SOX30: variants seen among roughly 807,000 people sequenced by gnomAD.
SOX30 encodes SRY-box transcription factor 30, also known as transcription factor SOX-30.
SOX30 carries 17 observed loss-of-function variants against 58.6 expected under a neutral mutation model. The observed-to-expected ratio is 0.29, with a 90% CI of 0.20 to 0.44. SOX30 has a LOEUF of 0.44. Among genes scored for constraint, SOX30 ranks in the 20% least tolerant of loss-of-function variants. The pLI is 1.00. For missense variants in SOX30, 951 were observed against 965.8 expected (o/e 0.98, Z 0.20); for synonymous variants, 421 against 400.2 (o/e 1.05, Z -0.62).
At chr5:157,665,727 T>C (rs1226031463) in intron 2 of SOX30, among the ~76,000 whole-genome samples, 1 of 149,028 alleles carries the variant, frequency 6.7e-6, no homozygotes, top group Non-Finnish European at 1.5e-5. Flanking sequence ...AAAATAAAAC[T>C]ATATGGAGCC....
In SOX30 at chr5:157,651,498, T is replaced by C. The variant is rs1044989231; in HGVS notation, c.581A>G (p.Asp194Gly). The change falls in exon 1 of 5, where the codon GAC (aspartate) becomes GGC (glycine). Residue 194 changes from aspartate (D) to glycine (G), a missense_variant. Asp to Gly is a moderately conservative substitution (Grantham distance 94). Coordinates refer to ENST00000265007, the MANE Select transcript of SOX30 (RefSeq NM_178424.2). ...GKLEAEEVMR[D>G]SMQGGAGKSP... is the part of the protein sequence containing the mutation. ...TTTGCCTGCCCCGCCTTGCATCGAG[T>C]CTCTCATGACCTCCTCCGCCTCCAG... is the stretch of plus-strand genomic sequence containing the variant. 2 of 1,613,200 alleles carry C rather than the reference T, an allele frequency of 1.2e-6. No homozygotes were observed. Among genetic ancestry groups the C allele is most frequent in the South Asian group, 1.1e-5 (1 of 91,064 alleles).
At position 157,651,914 on chromosome 5, in the gene SOX30, G is replaced by C; in HGVS notation, c.165C>G (p.Cys55Trp). 6.6e-7 allele frequency: 1 copy of C among 1,515,668 alleles called. No homozygotes were observed. The highest frequency in any genetic ancestry group is 8.8e-7 in the Non-Finnish European group (1 of 1,136,552). The allele number at this position is 1,515,668 out of a possible 1,614,324, so 93.9% of individuals were successfully genotyped here. Residue 55 changes from cysteine to tryptophan, a missense_variant, in exon 1 of 5, where the codon TGC becomes TGG. Coordinates refer to ENST00000265007, the MANE Select transcript of SOX30 (RefSeq NM_178424.2). Reference protein sequence around the residue: ...AAASATLASSCGEAVASGLQP... With the variant: ...AAASATLASSWGEAVASGLQP... ...GTAAGCCGGACGCCACTGCCTCCCC[G>C]CACGACGAGGCCAAGGTCGCACTGG... is the stretch of plus-strand genomic sequence containing the variant.
chr5:157,660,148 C>CT (rs1301439400), intron 2 of SOX30, among the ~76,000 whole-genome samples: 1 of 152,204 alleles, frequency 6.6e-6, no homozygotes, highest in Non-Finnish European at 1.5e-5. Flanking sequence ...TAGCCTGGTG[C>CT]AGTTGTTCAT....
chr5:157,652,311 A>C lies in SOX30; in HGVS notation c.-233T>G. 8.1e-7 allele frequency: 1 copy of C among 1,228,428 alleles called. No homozygotes were observed. Among genetic ancestry groups the C allele is most frequent in the Non-Finnish European group, 1.0e-6 (1 of 986,794 alleles). 76.1% of individuals were successfully genotyped at this position (1,228,428 alleles called of 1,614,324 possible). A position where few individuals can be genotyped will look rare whatever the true frequency, so the allele number is the denominator to read the frequency against. Reference sequence around the variant, plus strand: ...TGGTCCCTACTCTCGCCTCGTGCTGAGTCCTCGAATCACCTGCCATGGTAG... The same window carrying C: ...TGGTCCCTACTCTCGCCTCGTGCTGCGTCCTCGAATCACCTGCCATGGTAG... On this transcript the variant is annotated 5_prime_UTR_variant, in exon 1 of 5. Coordinates refer to ENST00000265007, the MANE Select transcript of SOX30 (RefSeq NM_178424.2).
At position 157,648,838 on chromosome 5, in the gene SOX30, G is replaced by A. The variant is rs56278697; in HGVS notation, c.1026C>T (p.Asn342=). The A allele has an allele frequency of 4.0e-3, 6,386 of 1,611,806 alleles. 57 individuals are homozygous for A. The highest frequency in any genetic ancestry group is 0.021 in the Middle Eastern group (129 of 6,060). The change falls in exon 2 of 5, where the codon AAC becomes AAT. Residue 342 remains asparagine, a synonymous_variant. Coordinates refer to ENST00000265007, the MANE Select transcript of SOX30 (RefSeq NM_178424.2). ...GGATCCTTGCCCAAACCATAAATGC[G>A]TTCATGGGTCGCTTCACATGACCAT... The part of the protein sequence containing the change: ...DRNGHVKRPM[N]AFMVWARIHR...
In SOX30 at chr5:157,626,467, G is replaced by T; in HGVS notation, c.2135C>A (p.Pro712His). The change falls in exon 5 of 5, where the codon CCT becomes CAT. Residue 712 changes from proline (P) to histidine (H), a missense_variant. Transcript: ENST00000265007. Reference sequence around the variant, plus strand: ...CTCCAAGGTTCCAATGTCCAGCTGAGGCACAGGGTTTAAGTTTTCTTCCCC... The same window carrying T: ...CTCCAAGGTTCCAATGTCCAGCTGATGCACAGGGTTTAAGTTTTCTTCCCC... ...HSGEENLNPV[P>H]QLDIGTLENV... 1 of 1,614,182 alleles carries T rather than the reference G, an allele frequency of 6.2e-7. No homozygotes were observed. Among genetic ancestry groups the T allele is most frequent in the Non-Finnish European group, 8.5e-7 (1 of 1,180,048 alleles).
chr5:157,659,396 A>G (rs1354615180), intron 2 of SOX30, among the ~76,000 whole-genome samples: 1 of 152,144 alleles, frequency 6.6e-6, no homozygotes, highest in Non-Finnish European at 1.5e-5. Context: ...TACTGTGGAA[A>G]CCCCCAACTC....
upstream of SOX30, chr5:157,652,543 T>A: frequency 4.8e-6 from 1 of 207,092 alleles, no homozygotes; most frequent in Non-Finnish European, 8.5e-6. Context: ...CTGTGCGGCC[T>A]GAGTAATCTG....
intron 4 of SOX30, among the ~76,000 whole-genome samples, chr5:157,635,064 A>G (rs542115505): frequency 3.3e-5 from 5 of 152,230 alleles, no homozygotes; most frequent in South Asian, 2.1e-4. Flanking sequence ...ACAGTCATAA[A>G]TAGATTATTT....
At chr5:157,665,148 C>T (rs62387677) in intron 2 of SOX30, among the ~76,000 whole-genome samples, 25,939 of 152,128 alleles carry the variant, frequency 0.17, 2,525 homozygotes, top group African/African-American at 0.27. Context: ...CACATGCACA[C>T]GTATGTTTAT....
At chr5:157,667,190 C>T (rs1316589163) in intron 2 of SOX30, among the ~76,000 whole-genome samples, 1 of 152,176 alleles carries the variant, frequency 6.6e-6, no homozygotes, top group African/African-American at 2.4e-5. Flanking sequence ...GGAGTCCTGA[C>T]TGCTGCCCCA....
intron 1 of SOX30, among the ~76,000 whole-genome samples, chr5:157,669,603 G>A (rs1296849852): frequency 6.6e-6 from 1 of 151,520 alleles, no homozygotes; most frequent in Non-Finnish European, 1.5e-5. Context: ...TGCAACCTCC[G>A]CCTCCCGGGT....
rs1344050897 is a variant in SOX30, at chr5:157,651,813, T to C, written c.266A>G (p.Glu89Gly). 1 of 1,585,080 alleles carries C rather than the reference T, an allele frequency of 6.3e-7. No homozygotes were observed. Among genetic ancestry groups the C allele is most frequent in the Non-Finnish European group, 8.5e-7 (1 of 1,169,632 alleles). The change falls in exon 1 of 5, where the codon GAG (glutamate) becomes GGG (glycine). Residue 89 changes from glutamate (E) to glycine (G), a missense_variant. Glu to Gly is a moderately conservative substitution (Grantham distance 98). Coordinates refer to ENST00000265007, the MANE Select transcript of SOX30 (RefSeq NM_178424.2). ...CTGCGCGGACGAGGCAGCGGCTTCC[T>C]CGTTCTGGGCCTGAGGCTGTGGTAG... ...LLLPQPQAQN[E>G]EAAASSAQAR...
At position 157,626,033 on chromosome 5, in the gene SOX30, C is replaced by A. The variant is rs1251779288; in HGVS notation, c.*307G>T. 1 of 214,472 alleles carries A rather than the reference C, an allele frequency of 4.7e-6. No individual in the cohort carries two copies. The highest frequency in any genetic ancestry group is 5.6e-5 in the Admixed American group (1 of 18,012). 13.3% of individuals were successfully genotyped at this position (214,472 alleles called of 1,614,324 possible). ...GCTAGATTTATTTCCCCTTTCCCCT[C>A]ACATACAACTGTGAGGCTTCAGTAT... is the stretch of plus-strand genomic sequence containing the variant. On this transcript the variant is annotated 3_prime_UTR_variant, in exon 5 of 5. Coordinates refer to ENST00000265007, the MANE Select transcript of SOX30 (RefSeq NM_178424.2).
rs1276939531 is a variant in SOX30, at chr5:157,651,958, G to C, written c.121C>G (p.Pro41Ala). 4 of 1,472,780 alleles carry C rather than the reference G, an allele frequency of 2.7e-6. No individual in the cohort carries two copies. The highest frequency in any genetic ancestry group is 4.8e-5 in the Admixed American group (2 of 41,822). 91.2% of individuals were successfully genotyped at this position (1,472,780 alleles called of 1,614,324 possible). The change falls in exon 1 of 5, where the codon CCC becomes GCC. Residue 41 changes from proline to alanine, a missense_variant. By Grantham distance (27) the Pro-to-Ala change is conservative (BLOSUM62 -1). Coordinates refer to ENST00000265007, the MANE Select transcript of SOX30 (RefSeq NM_178424.2). ...AAAMEPPPSSPTLSAAASATL... is the reference protein window; with the variant it reads ...AAAMEPPPSSATLSAAASATL... ...GCACTGGCTGCCGCGCTCAGTGTGGGAGACGACGGAGGGGGCTCCATGGCT... is the reference window on the plus strand; with the variant it reads ...GCACTGGCTGCCGCGCTCAGTGTGGCAGACGACGGAGGGGGCTCCATGGCT...
At position 157,648,905 on chromosome 5, in the gene SOX30, C is replaced by A; in HGVS notation, c.968-9G>T. ...GGGAGTATCTGGTATGCCTACATGA[C>A]AAAAATTAAAAGGCTAAATTAATGT... On this transcript the variant is annotated splice_polypyrimidine_tract_variant and intron_variant, in intron 1 of 4. Transcript: ENST00000265007. 6.3e-7 allele frequency: 1 copy of A among 1,576,396 alleles called. No individual in the cohort carries two copies. Among genetic ancestry groups the A allele is most frequent in the South Asian group, 1.1e-5 (1 of 88,232 alleles).
At chr5:157,653,902 C>T (rs1055299979), upstream of SOX30, among the ~76,000 whole-genome samples, 13 of 152,182 alleles carry the variant, frequency 8.5e-5, no homozygotes, top group African/African-American at 3.1e-4. Flanking sequence ...CGTGGTGGCT[C>T]ACTCCTGTAA....
At chr5:157,657,490 A>G (rs547526719) in intron 2 of SOX30, among the ~76,000 whole-genome samples, 25 of 152,326 alleles carry the variant, frequency 1.6e-4, no homozygotes, top group African/African-American at 6.0e-4. Flanking sequence ...TTGTGATATT[A>G]AAATAAAGGA....
At chr5:157,666,564 C>G (rs1270318518) in intron 2 of SOX30, among the ~76,000 whole-genome samples, 1 of 151,496 alleles carries the variant, frequency 6.6e-6, no homozygotes, top group East Asian at 1.9e-4. Context: ...GGATCCCATT[C>G]AGGTCATCAA....
Sources: allele counts gnomAD v4.1 joint callset (sites outside exome capture counted in the v4.1 genomes callset), GRCh38; gene constraint gnomAD v4.1.1; transcripts MANE v1.5; gene names NCBI Gene and HGNC (gene_info 2026-07-23, HGNC 2026-07-21).